The following CHRM2 variants were observed in gnomAD, a reference collection of about 807,000 sequenced individuals.
CHRM2 encodes the protein muscarinic acetylcholine receptor M2.
A neutral mutation model predicts 25.0 loss-of-function variants in CHRM2; 8 were observed. The observed-to-expected ratio is 0.32, with a 90% confidence interval of 0.19 to 0.58. CHRM2 has a LOEUF of 0.58. Among genes scored for constraint, CHRM2 ranks in the 20% least tolerant of loss-of-function variants. The pLI is 0.88. For synonymous variants in CHRM2, 202 were observed against 205.7 expected, an observed-to-expected ratio of 0.98 and a Z score of 0.15; for missense variants, 440 against 567.1, an observed-to-expected ratio of 0.78 and a Z score of 2.28.
At chr7:136,989,604 C>G (rs974938144) in intron 2 of CHRM2, among the ~76,000 whole-genome samples, 3 of 152,024 alleles carry the variant, frequency 2.0e-5, no homozygotes, top group Non-Finnish European at 4.4e-5. Context: ...TCATTATTGA[C>G]TTTTCCCCTC....
At chr7:136,910,820 TGTGTGTGTGTGA>T (rs1797802534) in intron 2 of CHRM2, among the ~76,000 whole-genome samples, 1 of 147,814 alleles carries the variant, frequency 6.8e-6, no homozygotes, top group Non-Finnish European at 1.5e-5. Flanking sequence ...TGTGTGTGTG[TGTGTGTGTGTGA>T]GAGAGAGAGA....
intron 3 of CHRM2, among the ~76,000 whole-genome samples, chr7:137,003,495 C>T (rs910321424): frequency 2.5e-3 from 111 of 43,850 alleles, no homozygotes; most frequent in African/African-American, 9.6e-3. Context: ...CACACACACA[C>T]ACACACACAC....
intron 2 of CHRM2, among the ~76,000 whole-genome samples, chr7:136,929,068 G>T (rs1162777632): frequency 2.0e-5 from 3 of 152,086 alleles, no homozygotes; most frequent in Non-Finnish European, 2.9e-5. Context: ...CAGACGATAT[G>T]CGATCACGTG....
intron 2 of CHRM2, among the ~76,000 whole-genome samples, chr7:136,959,514 A>C (rs1414875697): frequency 1.3e-5 from 2 of 152,226 alleles, no homozygotes; most frequent in Admixed American, 6.5e-5. Context: ...GTAGCCACAG[A>C]ATGTGGAGGA....
chr7:136,884,099 G>T (rs1012924288), intron 2 of CHRM2, among the ~76,000 whole-genome samples: 3 of 152,044 alleles, frequency 2.0e-5, no homozygotes, highest in African/African-American at 7.2e-5. Flanking sequence ...ACTTAATCTT[G>T]CAACTTTACA....
intron 2 of CHRM2, among the ~76,000 whole-genome samples, chr7:136,969,267 G>A (rs1182384492): frequency 6.6e-6 from 1 of 152,098 alleles, no homozygotes; most frequent in African/African-American, 2.4e-5. Flanking sequence ...GAATGATAAT[G>A]GTACCAATAA....
At chr7:136,963,608 C>A (rs539853013) in intron 2 of CHRM2, among the ~76,000 whole-genome samples, 1 of 152,120 alleles carries the variant, frequency 6.6e-6, no homozygotes, top group African/African-American at 2.4e-5. Context: ...TCAAGGCGCA[C>A]GTCCCCACAA....
rs79494124 is a variant in CHRM2 at position 137,004,944 on chromosome 7, A to C, written c.-46-9876A>C. ...AACAATCATTTTGTCTTTCGACTGG[A>C]AACAATAAAAATAGTTGCTTCCCAT... On this transcript the variant is annotated intron_variant, in intron 3 of 3. Coordinates refer to ENST00000680005, the MANE Select transcript of CHRM2 (RefSeq NM_001006630.2). 6.2e-3 allele frequency among the ~76,000 whole-genome samples: 944 copies of C among 152,184 alleles called. 3 individuals carry two copies. The highest frequency in any genetic ancestry group is 9.4e-3 in the Non-Finnish European group (642 of 67,978).
chr7:136,921,900 G>A (rs920147664), intron 2 of CHRM2, among the ~76,000 whole-genome samples: 5 of 151,688 alleles, frequency 3.3e-5, no homozygotes, highest in Non-Finnish European at 7.4e-5. Context: ...AGCCTCCCGA[G>A]TAGCTGGGAT....
chr7:136,919,880 A>C lies in CHRM2; in HGVS notation c.-125+50462A>C, dbSNP rs571986203. On this transcript the variant is annotated intron_variant, in intron 2 of 3. Coordinates refer to ENST00000680005, the MANE Select transcript of CHRM2 (RefSeq NM_001006630.2). The stretch of plus-strand genomic sequence containing the variant: ...GGGTTCTTATGTATACTTCAGTCAA[A>C]GTGGTCATTGACCTTCGGATTGTTT... 5.3e-5 allele frequency among the ~76,000 whole-genome samples: 8 copies of C among 152,254 alleles called. No homozygotes were observed. In the East Asian group the frequency reaches 1.5e-3, roughly 29 times the overall value.
chr7:137,008,885 G>A (rs763071350), intron 3 of CHRM2, among the ~76,000 whole-genome samples: 2 of 151,766 alleles, frequency 1.3e-5, no homozygotes, highest in Non-Finnish European at 2.9e-5. Context: ...CATTTTTAAT[G>A]GGGCAGGTTT....
chr7:137,011,835 C>A (rs1804848674), intron 3 of CHRM2, among the ~76,000 whole-genome samples: 1 of 152,016 alleles, frequency 6.6e-6, no homozygotes, highest in African/African-American at 2.4e-5. Context: ...TGTGATGAGA[C>A]CATCCTGCAT....
chr7:136,983,336 A>T (rs1802615156), intron 2 of CHRM2, among the ~76,000 whole-genome samples: 1 of 151,438 alleles, frequency 6.6e-6, no homozygotes, highest in South Asian at 2.1e-4. Flanking sequence ...CCAGTTAGCA[A>T]TTTTATCAAG....
At chr7:136,970,361 G>T (rs540005753) in intron 2 of CHRM2, among the ~76,000 whole-genome samples, 186 of 151,816 alleles carry the variant, frequency 1.2e-3, no homozygotes, top group African/African-American at 3.8e-3. Flanking sequence ...TAGTCTTTTT[G>T]CCTTCATGAC....
At chr7:137,009,691 T>C (rs1472876710) in intron 3 of CHRM2, among the ~76,000 whole-genome samples, 1 of 152,046 alleles carries the variant, frequency 6.6e-6, no homozygotes, top group Non-Finnish European at 1.5e-5. Flanking sequence ...TTGGTTTGAA[T>C]CTCAAGTAGC....
intron 2 of CHRM2, among the ~76,000 whole-genome samples, chr7:136,983,422 GTCTACT>G (rs775202368): frequency 2.0e-5 from 3 of 150,778 alleles, no homozygotes; most frequent in African/African-American, 4.8e-5. Context: ...ACCTTCTGAG[GTCTACT>G]TCTGTCTATT....
At chr7:136,932,065 T>C (rs1452821763) in intron 2 of CHRM2, among the ~76,000 whole-genome samples, 1 of 152,152 alleles carries the variant, frequency 6.6e-6, no homozygotes. Context: ...TCTGTGTAGG[T>C]TGTATTTGGT....
At chr7:136,938,963 A>G (rs973879949) in intron 2 of CHRM2, among the ~76,000 whole-genome samples, 24 of 123,212 alleles carry the variant, frequency 1.9e-4, no homozygotes, top group Admixed American at 1.9e-4. Flanking sequence ...AAAAAAAAAA[A>G]GAGTGCTTGT....
chr7:136,897,776 C>T (rs547679457), intron 2 of CHRM2, among the ~76,000 whole-genome samples: 7 of 151,056 alleles, frequency 4.6e-5, no homozygotes, highest in South Asian at 2.1e-4. Context: ...TCTTCATTTT[C>T]GCTTTTGTGT....
Sources: gnomAD v4.1 joint callset for allele counts (sites outside exome capture counted in the v4.1 genomes callset) on GRCh38, gnomAD v4.1.1 for gene constraint, MANE v1.5 for transcripts, NCBI Gene and HGNC (gene_info 2026-07-23, HGNC 2026-07-21) for gene names.